The following MAP2K4 variants were observed in gnomAD, a reference collection of about 807,000 sequenced individuals.
MAP2K4 encodes the protein mitogen-activated protein kinase kinase 4, also known as dual specificity mitogen-activated protein kinase kinase 4.
Under a neutral mutation model 48.5 loss-of-function variants are expected in MAP2K4, and 4 were observed. The observed-to-expected ratio is 0.08, with a 90% CI of 0.04 to 0.19. The LOEUF is 0.19. Ranked by LOEUF, MAP2K4 falls within the 10% of genes least tolerant of loss-of-function variation. MAP2K4 has a pLI of 1.00. For missense variants in MAP2K4, 258 were observed against 493.3 expected (o/e 0.52, Z 4.52); for synonymous variants, 166 against 173.1 (o/e 0.96, Z 0.32).
chr17:12,088,878 A>G (rs1252317394), intron 3 of MAP2K4, among the ~76,000 whole-genome samples: 1 of 149,090 alleles, frequency 6.7e-6, no homozygotes, highest in African/African-American at 2.5e-5. Flanking sequence ...GGACAGGACA[A>G]TTGGCAATTA....
At chr17:12,072,196 A>T (rs1329199312) in intron 2 of MAP2K4, among the ~76,000 whole-genome samples, 1 of 152,250 alleles carries the variant, frequency 6.6e-6, no homozygotes, top group Non-Finnish European at 1.5e-5. Context: ...ACTAAGAGTA[A>T]GTAAGCAGTT....
At chr17:12,068,030 GGGAAGGGATTGATGAGTGTTCCAAGT>G (rs1970671832) in intron 2 of MAP2K4, among the ~76,000 whole-genome samples, 1 of 152,168 alleles carries the variant, frequency 6.6e-6, no homozygotes, top group South Asian at 2.1e-4. Context: ...ACTAGATTTG[GGGAAGGGATTGATGAGTGTTCCAAGT>G]GGAAGGAATC....
chr17:12,118,738 TGTGGGTGTGGAA>T (rs1449256175), intron 7 of MAP2K4, among the ~76,000 whole-genome samples: 1 of 151,716 alleles, frequency 6.6e-6, no homozygotes, highest in African/African-American at 2.4e-5. Flanking sequence ...TGAACAGAGG[TGTGGGTGTGGAA>T]GGTTTTCAGA....
At chr17:12,052,729 T>C (rs1970180571) in intron 1 of MAP2K4, among the ~76,000 whole-genome samples, 1 of 152,192 alleles carries the variant, frequency 6.6e-6, no homozygotes, top group African/African-American at 2.4e-5. Flanking sequence ...TTTGAGGAGT[T>C]TGTAAAGATT....
At chr17:12,056,418 T>C (rs1016578813) in intron 2 of MAP2K4, among the ~76,000 whole-genome samples, 6 of 152,096 alleles carry the variant, frequency 3.9e-5, no homozygotes, top group African/African-American at 1.4e-4. Context: ...AAAACTTTCT[T>C]CCAAAGTTGA....
rs797001653 is a variant in MAP2K4, at chr17:12,034,470, CTT to C, written c.115+13473_115+13474del. ...CTTTCTGCTGGCTTTTCACATCTCTCTTTTTATTTCTGCCTCTTCCCATTGGA... is the reference window on the plus strand; with the variant it reads ...CTTTCTGCTGGCTTTTCACATCTCTCTTTATTTCTGCCTCTTCCCATTGGA... On this transcript the variant is annotated intron_variant, in intron 1 of 10. Coordinates refer to ENST00000353533, the MANE Select transcript of MAP2K4 (RefSeq NM_003010.4). Among the ~76,000 whole-genome samples the C allele has an allele frequency of 2.0e-5, 3 of 152,220 alleles. No individual in the cohort carries two copies. The South Asian group carries it at 6.2e-4, about 31-fold the overall frequency.
At chr17:12,113,545 G>T (rs1461917106) in intron 7 of MAP2K4, among the ~76,000 whole-genome samples, 185 bp downstream of exon 7, 1 of 152,144 alleles carries the variant, frequency 6.6e-6, no homozygotes, top group Non-Finnish European at 1.5e-5. Flanking sequence ...GTCAGCTCCT[G>T]TTTTCATTGT....
intron 1 of MAP2K4, among the ~76,000 whole-genome samples, chr17:12,054,506 A>G (rs1230813507): frequency 6.6e-6 from 1 of 152,176 alleles, no homozygotes. Flanking sequence ...AACGATATTT[A>G]TTAAACTGAG....
intron 2 of MAP2K4, among the ~76,000 whole-genome samples, chr17:12,075,834 T>C (rs1970982266): frequency 6.6e-6 from 1 of 152,136 alleles, no homozygotes; most frequent in Admixed American, 6.5e-5. Context: ...TTAAGTGAAA[T>C]CTATAAGCAG....
At chr17:12,027,889 G>A (rs1310934023) in intron 1 of MAP2K4, among the ~76,000 whole-genome samples, 1 of 152,068 alleles carries the variant, frequency 6.6e-6, no homozygotes, top group East Asian at 1.9e-4. Context: ...TTTTGTGTAG[G>A]TTAAGCTGGT....
intron 9 of MAP2K4, among the ~76,000 whole-genome samples, chr17:12,131,959 G>A (rs28921079): frequency 0.2 from 31,171 of 152,182 alleles, 4,155 homozygotes; most frequent in Non-Finnish European, 0.28. Context: ...CAAGAGGCCA[G>A]TAAACATATT....
At chr17:12,089,727 G>T (rs975994207) in intron 3 of MAP2K4, among the ~76,000 whole-genome samples, 1 of 152,182 alleles carries the variant, frequency 6.6e-6, no homozygotes, top group Non-Finnish European at 1.5e-5. Context: ...CACCTGACAA[G>T]AATTTGTCAT....
intron 1 of MAP2K4, among the ~76,000 whole-genome samples, chr17:12,054,300 C>T (rs938746508): frequency 1.3e-5 from 2 of 151,728 alleles, no homozygotes; most frequent in African/African-American, 4.8e-5. Flanking sequence ...CATTTTCTGC[C>T]CTTCTACCAT....
intron 1 of MAP2K4, among the ~76,000 whole-genome samples, chr17:12,024,872 C>G (rs997764705): frequency 6.6e-6 from 1 of 152,016 alleles, no homozygotes; most frequent in Non-Finnish European, 1.5e-5. Context: ...TCTAAAGCCT[C>G]GTGACTTTAG....
intron 1 of MAP2K4, among the ~76,000 whole-genome samples, chr17:12,034,035 A>G (rs1451669070): frequency 6.6e-6 from 1 of 152,160 alleles, no homozygotes; most frequent in African/African-American, 2.4e-5. Flanking sequence ...AAGCAGTCCC[A>G]CTTCAGCCTC....
chr17:12,069,890 CATATATATATATATATATATATATATAT>C (rs56309746), intron 2 of MAP2K4: 3,591 of 182,924 alleles, frequency 0.02, 158 homozygotes, highest in African/African-American at 0.045. Context: ...GAAGATTAGT[CATATATATATATATATATATATATATAT>C]ATATATATAT....
rs199946115 is a variant in MAP2K4 at position 12,133,643 on chromosome 17, G to GA, written c.1040+4356_1040+4357insA. Among the ~76,000 whole-genome samples the GA allele has an allele frequency of 4.2e-3, 639 of 152,096 alleles. 1 individual carries two copies. The highest frequency in any genetic ancestry group is 0.036 in the East Asian group (185 of 5,176). ...GGAAAAATTCTTTATTTGTCCTGGG[G>GA]GAAGAAAAAACAAAAAATGTTATTC... On this transcript the variant is annotated intron_variant, in intron 9 of 10. Transcript: ENST00000353533.
At chr17:12,035,386 A>G (rs1969561779) in intron 1 of MAP2K4, among the ~76,000 whole-genome samples, 1 of 152,118 alleles carries the variant, frequency 6.6e-6, no homozygotes, top group Admixed American at 6.5e-5. Flanking sequence ...GCGTGGTGGC[A>G]CACGCCTGTA....
intron 1 of MAP2K4, among the ~76,000 whole-genome samples, chr17:12,031,308 A>G (rs1969430362): frequency 6.6e-6 from 1 of 152,182 alleles, no homozygotes; most frequent in African/African-American, 2.4e-5. Context: ...AAGAATTTTG[A>G]TAACTGGATA....
Sources: allele counts gnomAD v4.1 joint callset (sites outside exome capture counted in the v4.1 genomes callset), GRCh38; gene constraint gnomAD v4.1.1; transcripts MANE v1.5; gene names NCBI Gene and HGNC (gene_info 2026-07-23, HGNC 2026-07-21).